The following ZNF708 variants were observed in gnomAD, a reference collection of about 807,000 sequenced individuals.
ZNF708 encodes the protein ZNF15, ZNF15L1.
ZNF708 carries 44 observed loss-of-function variants against 47.0 expected under a neutral mutation model. The ratio of observed to expected loss-of-function variants is 0.94; its 90% confidence interval spans 0.74 to 1.20. The LOEUF (loss-of-function observed/expected upper bound fraction) is 1.20, where lower values mean the gene tolerates loss of function less well. Ranked by LOEUF, ZNF708 falls within the 50% of genes most tolerant of loss-of-function variation. The pLI, the probability that ZNF708 is intolerant of heterozygous loss-of-function variation, is 0.00. For synonymous variants in ZNF708, 184 were observed against 218.5 expected (o/e 0.84, Z 1.39); for missense variants, 557 against 656.0 (o/e 0.85, Z 1.65).
chr19:21,329,159 A>C (rs1389034818), intron 1 of ZNF708, 51 bp downstream of exon 1: 3 of 1,609,678 alleles, frequency 1.9e-6, no homozygotes, highest in East Asian at 4.5e-5. Flanking sequence ...CACTTCCCAC[A>C]GGTTTCAACC....
At chr19:21,320,768 TAAA>T (rs55662605) in intron 1 of ZNF708, among the ~76,000 whole-genome samples, 101 of 111,854 alleles carry the variant, frequency 9.0e-4, no homozygotes, top group Admixed American at 9.4e-4. Flanking sequence ...CTCTGGCCAT[TAAA>T]AAAAAAAAAA....
chr19:21,327,350 A>G (rs1973281055), intron 1 of ZNF708, among the ~76,000 whole-genome samples: 1 of 151,948 alleles, frequency 6.6e-6, no homozygotes, highest in African/African-American at 2.4e-5. Flanking sequence ...ACCAACATGG[A>G]GAAACCCCAT....
In ZNF708 at chr19:21,314,153, G is replaced by A. The variant is rs1972958470; in HGVS notation, c.4-3526C>T. Among the ~76,000 whole-genome samples the A allele has an allele frequency of 2.6e-5, 4 of 152,000 alleles. No homozygotes were observed. The South Asian group carries it at 8.3e-4, about 31-fold the overall frequency. On this transcript the variant is annotated intron_variant, in intron 1 of 3. Coordinates refer to ENST00000356929, the MANE Select transcript of ZNF708 (RefSeq NM_021269.3). ...GATCTAAACAAGGCCCTCAAGAAGG[G>A]TGAATCTGAACAGAACTGGGGAAGG...
intron 1 of ZNF708, among the ~76,000 whole-genome samples, chr19:21,325,955 T>C (rs1024056466): frequency 6.6e-6 from 1 of 151,994 alleles, no homozygotes; most frequent in Non-Finnish European, 1.5e-5. Flanking sequence ...AACAAACATA[T>C]GAAAAAATCC....
intron 3 of ZNF708, among the ~76,000 whole-genome samples, chr19:21,308,144 G>T (rs1005842457): frequency 1.3e-5 from 2 of 151,776 alleles, no homozygotes; most frequent in African/African-American, 4.8e-5. Context: ...TGGATTTAAA[G>T]AATAAATATT....
At chr19:21,323,621 C>T (rs180983228) in intron 1 of ZNF708, among the ~76,000 whole-genome samples, 1 of 152,288 alleles carries the variant, frequency 6.6e-6, no homozygotes, top group Admixed American at 6.5e-5. Flanking sequence ...GTAAATTCAA[C>T]CTTGTTTTAT....
chr19:21,322,669 G>A (rs1202076019), intron 1 of ZNF708, among the ~76,000 whole-genome samples: 1 of 152,158 alleles, frequency 6.6e-6, no homozygotes, highest in African/African-American at 2.4e-5. Flanking sequence ...CAGGACAATG[G>A]GCAGTGTGAC....
At chr19:21,307,182 C>A (rs529406523) in intron 3 of ZNF708, among the ~76,000 whole-genome samples, 26 of 142,450 alleles carry the variant, frequency 1.8e-4, no homozygotes, top group East Asian at 4.3e-4. Flanking sequence ...AAATAAAATA[C>A]AATAAAATAC....
rs895012176 is a variant in ZNF708, at chr19:21,291,507, T to C, written c.*1767A>G. 2.6e-5 allele frequency: 4 copies of C among 152,302 alleles called. No homozygotes were observed. The East Asian group carries it at 7.7e-4, about 29-fold the overall frequency. The allele number at this position is 152,302 out of a possible 1,614,324, so 9.4% of individuals were successfully genotyped here. ...ATAGAAATGAAGAAATAGCATCAAGTAACTAGAGAGTTGAATCACAGCAAT... is the reference window on the plus strand; with the variant it reads ...ATAGAAATGAAGAAATAGCATCAAGCAACTAGAGAGTTGAATCACAGCAAT... On this transcript the variant is annotated 3_prime_UTR_variant, in exon 4 of 4. Transcript: ENST00000356929.
At chr19:21,303,173 G>C (rs1412879496) in intron 3 of ZNF708, among the ~76,000 whole-genome samples, 2 of 152,082 alleles carry the variant, frequency 1.3e-5, no homozygotes, top group Non-Finnish European at 2.9e-5. Context: ...GATCATCAGA[G>C]TTTGGAAAGT....
At chr19:21,307,216 C>A (rs1403333170) in intron 3 of ZNF708, among the ~76,000 whole-genome samples, 2 of 151,386 alleles carry the variant, frequency 1.3e-5, no homozygotes, top group African/African-American at 2.4e-5. Context: ...ACTATCCAAG[C>A]CCCTTGTAAC....
chr19:21,306,256 C>G (rs999372081), intron 3 of ZNF708, among the ~76,000 whole-genome samples: 1 of 151,854 alleles, frequency 6.6e-6, no homozygotes, highest in African/African-American at 2.4e-5. Flanking sequence ...AAAATTTCTG[C>G]ACATCAAAAC....
At chr19:21,300,167 G>A (rs1223330447) in intron 3 of ZNF708, among the ~76,000 whole-genome samples, 4 of 150,670 alleles carry the variant, frequency 2.7e-5, no homozygotes, top group South Asian at 4.2e-4. Flanking sequence ...GCCAGGCGTC[G>A]TGCCACTGCA....
chr19:21,313,693 G>A (rs1972948155), intron 1 of ZNF708, among the ~76,000 whole-genome samples: 2 of 150,400 alleles, frequency 1.3e-5, no homozygotes. Flanking sequence ...GGGAGGTGGA[G>A]GTTGCAGTGA....
In ZNF708 at chr19:21,293,510, T is replaced by A; in HGVS notation, c.1456A>T (p.Ile486Phe). Residue 486 changes from isoleucine (I) to phenylalanine (F), a missense_variant, in exon 4 of 4, where the codon ATT becomes TTT. Ile to Phe is a conservative substitution (Grantham distance 21). Transcript: ENST00000356929. ...YKCEECGKSF[I>F]LSSHLTTHKI... ...TGTGTAGTAAGATGAGAGGACAGAA[T>A]AAAGCTTTTGCCACATTCTTCACAC... 1.9e-6 allele frequency: 3 copies of A among 1,613,502 alleles called. No individual in the cohort carries two copies. The highest frequency in any genetic ancestry group is 2.5e-6 in the Non-Finnish European group (3 of 1,179,782).
At chr19:21,324,455 T>A (rs558157792) in intron 1 of ZNF708, among the ~76,000 whole-genome samples, 2 of 152,096 alleles carry the variant, frequency 1.3e-5, no homozygotes, top group South Asian at 4.2e-4. Flanking sequence ...TAATCCCAGC[T>A]ACTCAAGAGA....
intron 1 of ZNF708, among the ~76,000 whole-genome samples, chr19:21,328,618 TA>T (rs1259733921): frequency 6.6e-6 from 1 of 152,188 alleles, no homozygotes; most frequent in Non-Finnish European, 1.5e-5. Flanking sequence ...CCCGGCTTTC[TA>T]CTTAACAGCA....
Position 21,293,812 on chromosome 19 carries a change from A to G in ZNF708, c.1154T>C (p.Ile385Thr). Residue 385 changes from isoleucine to threonine, a missense_variant, in exon 4 of 4, where the codon ATT becomes ACT. Ile to Thr is a moderately conservative substitution (Grantham distance 89). Transcript: ENST00000356929. ...RSSHLTNHKVIHTGEKPYKCE... is the reference protein window; with the variant it reads ...RSSHLTNHKVTHTGEKPYKCE... ...TTTGTAGGGTTTCTCTCCAGTATGA[A>G]TTACCTTATGATTAGTAAGGTGTGA... 1 of 1,613,410 alleles carries G rather than the reference A, an allele frequency of 6.2e-7. No individual in the cohort carries two copies. Among genetic ancestry groups the G allele is most frequent in the Non-Finnish European group, 8.5e-7 (1 of 1,179,848 alleles).
chr19:21,318,784 C>A (rs561744871), intron 1 of ZNF708: 1 of 152,250 alleles, frequency 6.6e-6, no homozygotes, highest in African/African-American at 2.4e-5. Context: ...GCATAACTAA[C>A]TGAAGGGCTA....
Sources: allele counts gnomAD v4.1 joint callset (sites outside exome capture counted in the v4.1 genomes callset), GRCh38; gene constraint gnomAD v4.1.1; transcripts MANE v1.5; gene names NCBI Gene and HGNC (gene_info 2026-07-23, HGNC 2026-07-21).